Variants in PDE5A observed in about 807,000 individuals in gnomAD.
The protein encoded by PDE5A is cGMP-specific 3',5'-cyclic phosphodiesterase.
Under a neutral mutation model 110.2 loss-of-function variants are expected in PDE5A, and 67 were observed. The ratio of observed to expected loss-of-function variants is 0.61; its 90% CI spans 0.50 to 0.75. The LOEUF is 0.75. PDE5A is among the 30% of genes least tolerant of loss of function. PDE5A has a pLI of 0.00. For missense variants in PDE5A, 862 were observed against 1,045.1 expected, an observed-to-expected ratio of 0.82 and a Z score of 2.42; for synonymous variants, 328 against 351.2, an observed-to-expected ratio of 0.93 and a Z score of 0.74.
rs555668748 is a variant in PDE5A, at chr4:119,502,711, C to T, written c.2332-56G>A. The T allele has an allele frequency of 2.6e-6, 3 of 1,172,428 alleles. No homozygotes were observed. The Admixed American group carries it at 5.3e-5, about 21-fold the overall frequency. The allele number at this position is 1,172,428 out of a possible 1,614,324, so 72.6% of individuals were successfully genotyped here. A position where few individuals can be genotyped will look rare whatever the true frequency, so the allele number is the denominator to read the frequency against. ...ATGAAAAGCATATCATTCTTTAAAA[C>T]AGAGACCGTGAATGAAGGCCCTGTT... On this transcript the variant is annotated intron_variant, in intron 18 of 20. Transcript: ENST00000354960.
intron 2 of PDE5A, among the ~76,000 whole-genome samples, chr4:119,601,684 G>A (rs1480579701): frequency 6.6e-6 from 1 of 152,150 alleles, no homozygotes; most frequent in African/African-American, 2.4e-5. Context: ...TCTGAAGTCG[G>A]GGCAGGCTTG....
At position 119,627,257 on chromosome 4, in the gene PDE5A, G is replaced by T. The variant is rs1730385256; in HGVS notation, c.152+1263C>A. The T allele has an allele frequency of 1.3e-6, 2 of 1,580,674 alleles. No individual in the cohort carries two copies. The highest frequency in any genetic ancestry group is 1.7e-6 in the Non-Finnish European group (2 of 1,161,870). ...CGTAGGGGCAACAACGCGCGCAGGT[G>T]AGGTGAGGTGAGGTCGGCGACTCAG... On this transcript the variant is annotated intron_variant, in intron 1 of 20. Coordinates refer to ENST00000354960, the MANE Select transcript of PDE5A (RefSeq NM_001083.4). The surrounding 1 kb of genome is among the most constrained non-coding windows in gnomAD (Gnocchi z 4.6).
chr4:119,595,195 T>G (rs974864316), intron 3 of PDE5A, among the ~76,000 whole-genome samples: 1 of 151,994 alleles, frequency 6.6e-6, no homozygotes, highest in East Asian at 1.9e-4. Flanking sequence ...ACACACTAGA[T>G]GGAGGAAGGA....
intron 16 of PDE5A, among the ~76,000 whole-genome samples, chr4:119,506,954 CCT>C (rs1193089222): frequency 2.6e-5 from 4 of 151,384 alleles, no homozygotes; most frequent in Admixed American, 2.6e-4. Flanking sequence ...AGAGTGATTC[CCT>C]GACTCCCCTC....
Position 119,628,618 on chromosome 4 carries a change from C to T in PDE5A, c.54G>A (p.Gln18=). The T allele has an allele frequency of 6.2e-7, 1 of 1,613,956 alleles. No homozygotes were observed. Residue 18 remains glutamine, a synonymous_variant, in exon 1 of 21, where the codon CAG becomes CAA. Transcript: ENST00000354960. The part of the protein sequence containing the change: ...FGQQRQQQQP[Q]QQKQQQRDQD... ...GATCCCTCTGCTGCTGCTTCTGCTG[C>T]TGGGGCTGCTGCTGCTGTCGCTGCT...
At chr4:119,523,293 G>C (rs183700962) in intron 12 of PDE5A, among the ~76,000 whole-genome samples, 69 of 152,140 alleles carry the variant, frequency 4.5e-4, no homozygotes, top group African/African-American at 1.6e-3. Context: ...CTGTTTCAGA[G>C]ATCAGCAAGA....
At position 119,606,772 on chromosome 4, in the gene PDE5A, G is replaced by T; in HGVS notation, c.678C>A (p.Asn226Lys). The T allele has an allele frequency of 6.2e-7, 1 of 1,614,104 alleles. No individual in the cohort carries two copies. ...VSNNCIRLEW[N>K]KGIVGHVAAL... is the part of the protein sequence containing the mutation. ...CTGCCACATGTCCCACAATGCCTTT[G>T]TTCCATTCTAAGCGGATACAGTTAT... The change falls in exon 2 of 21, where the codon AAC becomes AAA. Residue 226 changes from asparagine to lysine, a missense_variant. Physicochemically the swap from Asn to Lys is moderately conservative, Grantham distance 94. Coordinates refer to ENST00000354960, the MANE Select transcript of PDE5A (RefSeq NM_001083.4).
At chr4:119,513,004 T>A (rs1725800146) in intron 14 of PDE5A, 2 of 152,186 alleles carry the variant, frequency 1.3e-5, no homozygotes, top group South Asian at 4.2e-4. Flanking sequence ...GTTTATTATA[T>A]TTAATTTTTA....
intron 3 of PDE5A, among the ~76,000 whole-genome samples, chr4:119,579,267 G>C (rs1178769020): frequency 6.6e-6 from 1 of 152,154 alleles, no homozygotes; most frequent in Admixed American, 6.5e-5. Context: ...CAATCATTGT[G>C]GAAGTCAGTG....
chr4:119,533,634 C>T (rs2110480032), intron 11 of PDE5A, among the ~76,000 whole-genome samples: 1 of 152,180 alleles, frequency 6.6e-6, no homozygotes, highest in East Asian at 1.9e-4. Context: ...ACAGCATCAA[C>T]ATGTTATATG....
rs187443865 is a variant in PDE5A, at chr4:119,599,773, A to G, written c.742-3161T>C. On this transcript the variant is annotated intron_variant, in intron 2 of 20. Transcript: ENST00000354960. ...CATACATATATTTGGAGTCCCAAAG[A>G]TAATGAAGCTGAAAAATATTTAAAG... 1.6e-3 allele frequency among the ~76,000 whole-genome samples: 236 copies of G among 151,980 alleles called. 1 individual carries two copies. Among genetic ancestry groups the G allele is most frequent in the African/African-American group, 5.3e-3 (219 of 41,502 alleles).
In PDE5A at chr4:119,502,591, A is replaced by G. The variant is rs144726852; in HGVS notation, c.2396T>C (p.Ile799Thr). ...QGDRERKELNIEPTDLMNREK... is the reference protein window; with the variant it reads ...QGDRERKELNTEPTDLMNREK... ...AGGTTTCATACTTACAGTGGGTTCT[A>G]TGTTGAGTTCTTTTCTCTCTCTGTC... The change falls in exon 19 of 21, where the codon ATA (isoleucine) becomes ACA (threonine). Residue 799 changes from isoleucine (I) to threonine (T), a missense_variant. By Grantham distance (89) the Ile-to-Thr change is moderately conservative. Transcript: ENST00000354960. 3.1e-6 allele frequency: 5 copies of G among 1,594,274 alleles called. No individual in the cohort carries two copies. In the African/African-American group the frequency reaches 4.0e-5, roughly 13 times the overall value.
At chr4:119,592,487 A>AAAAG (rs70944896) in intron 3 of PDE5A, among the ~76,000 whole-genome samples, 2 of 136,958 alleles carry the variant, frequency 1.5e-5, no homozygotes. Context: ...AAAAAAAAAA[A>AAAAG]GCTGTGTTCT....
intron 3 of PDE5A, among the ~76,000 whole-genome samples, chr4:119,595,759 C>T (rs1486324524): frequency 1.3e-5 from 2 of 152,168 alleles, no homozygotes; most frequent in African/African-American, 2.4e-5. Context: ...ACTGTGGGAC[C>T]TCTTGGTCTC....
intron 3 of PDE5A, among the ~76,000 whole-genome samples, chr4:119,573,273 T>C (rs955384490): frequency 6.6e-6 from 1 of 152,230 alleles, no homozygotes; most frequent in Admixed American, 6.5e-5. Flanking sequence ...TCAAAAAGAT[T>C]ACAGAAATTT....
chr4:119,584,514 TCTAAA>T (rs1344591901), intron 3 of PDE5A, among the ~76,000 whole-genome samples: 5 of 152,332 alleles, frequency 3.3e-5, no homozygotes, highest in African/African-American at 1.2e-4. Context: ...CTTTCCTGCC[TCTAAA>T]CAAAGTACTC....
intron 3 of PDE5A, among the ~76,000 whole-genome samples, chr4:119,582,449 T>C (rs1033292547): frequency 2.0e-5 from 3 of 152,196 alleles, no homozygotes; most frequent in African/African-American, 7.2e-5. Context: ...CCCTTCAAAG[T>C]CATCCATGAA....
chr4:119,605,539 C>A (rs1040503606), intron 2 of PDE5A, among the ~76,000 whole-genome samples: 5 of 151,712 alleles, frequency 3.3e-5, no homozygotes, highest in African/African-American at 1.2e-4. Context: ...CCCAGCTACT[C>A]GGGAGGCTGA....
At chr4:119,624,036 A>G (rs989892716) in intron 1 of PDE5A, among the ~76,000 whole-genome samples, 2 of 152,214 alleles carry the variant, frequency 1.3e-5, no homozygotes, top group African/African-American at 4.8e-5. Flanking sequence ...GAAGAATGCA[A>G]TCCAGAAGAG....
Sources: gnomAD v4.1 joint callset for allele counts (sites outside exome capture counted in the v4.1 genomes callset) on GRCh38, gnomAD v4.1.1 for gene constraint, Gnocchi (gnomAD v3.1) non-coding constraint, MANE v1.5 for transcripts, NCBI Gene and HGNC (gene_info 2026-07-23, HGNC 2026-07-21) for gene names.